The following FGF14 variants were observed in gnomAD, a reference collection of about 807,000 sequenced individuals.
The protein encoded by FGF14 is fibroblast growth factor 14.
In FGF14, 5 loss-of-function variants were observed where a neutral mutation model predicts 25.5. The observed-to-expected ratio is 0.20, with a 90% confidence interval of 0.10 to 0.41. The LOEUF (loss-of-function observed/expected upper bound fraction) is 0.41. FGF14 is among the 10% of genes least tolerant of loss of function. FGF14 has a pLI of 1.00. For synonymous variants in FGF14, 138 were observed against 118.3 expected (o/e 1.17, Z -1.08); for missense variants, 222 against 320.1 (o/e 0.69, Z 2.34).
intron 1 of FGF14, among the ~76,000 whole-genome samples, chr13:101,928,804 G>A (rs1046442577): frequency 1.3e-5 from 2 of 151,906 alleles, no homozygotes; most frequent in African/African-American, 2.4e-5. Context: ...ATGCAGAAGA[G>A]TGGCCATTAT....
At chr13:102,177,750 G>A (rs1202489139) in intron 1 of FGF14, among the ~76,000 whole-genome samples, 1 of 151,518 alleles carries the variant, frequency 6.6e-6, no homozygotes, top group Non-Finnish European at 1.5e-5. Flanking sequence ...GCTATTTAAG[G>A]CAAGTGTGAC....
chr13:101,898,191 T>G (rs1400896052), intron 1 of FGF14, among the ~76,000 whole-genome samples: 1 of 152,116 alleles, frequency 6.6e-6, no homozygotes, highest in East Asian at 1.9e-4. Flanking sequence ...CATGGCACCT[T>G]GAGTTTTCTA....
chr13:102,392,138 A>G (rs960162019), intron 1 of FGF14, among the ~76,000 whole-genome samples: 1 of 152,264 alleles, frequency 6.6e-6, no homozygotes, highest in African/African-American at 2.4e-5. Flanking sequence ...GTGATCCACT[A>G]TAATTGTGCA....
chr13:101,789,587 A>G (rs1468273091), intron 3 of FGF14, among the ~76,000 whole-genome samples: 2 of 152,142 alleles, frequency 1.3e-5, no homozygotes, highest in African/African-American at 4.8e-5. Flanking sequence ...CATTTGGATC[A>G]CTTCAAAATG....
intron 3 of FGF14, among the ~76,000 whole-genome samples, chr13:101,833,423 A>G (rs989887473): frequency 9.2e-5 from 14 of 152,096 alleles, no homozygotes; most frequent in Non-Finnish European, 1.5e-5. Context: ...TGTTATGGGC[A>G]TAAACTATTC....
intron 1 of FGF14, among the ~76,000 whole-genome samples, chr13:101,900,284 A>C (rs2031353686): frequency 6.6e-6 from 1 of 152,206 alleles, no homozygotes; most frequent in Admixed American, 6.5e-5. Flanking sequence ...ACAAAGTTAA[A>C]AGAACGCAAA....
chr13:102,157,454 T>C (rs994647147), intron 1 of FGF14, among the ~76,000 whole-genome samples: 2 of 152,178 alleles, frequency 1.3e-5, no homozygotes, highest in Non-Finnish European at 2.9e-5. Flanking sequence ...TGGCTAGCCA[T>C]ATGTAGAAAG....
chr13:102,198,880 T>C (rs756417037), intron 1 of FGF14, among the ~76,000 whole-genome samples: 1 of 152,172 alleles, frequency 6.6e-6, no homozygotes, highest in Non-Finnish European at 1.5e-5. Context: ...GGATTAAATG[T>C]TTAAGTTCCT....
intron 1 of FGF14, among the ~76,000 whole-genome samples, chr13:102,180,640 A>G (rs2048635894): frequency 6.6e-6 from 1 of 152,140 alleles, no homozygotes. Flanking sequence ...TTTTAAAAAT[A>G]TGCTTTTACC....
intron 1 of FGF14, among the ~76,000 whole-genome samples, chr13:102,115,133 ATGGTGATGACAGCACAGT>A (rs2045408432): frequency 6.6e-6 from 1 of 152,188 alleles, no homozygotes. Flanking sequence ...CTTGATTCTC[ATGGTGATGACAGCACAGT>A]TGCTTATGCA....
intron 3 of FGF14, among the ~76,000 whole-genome samples, chr13:101,798,021 C>T (rs1255573622): frequency 6.6e-6 from 1 of 152,100 alleles, no homozygotes; most frequent in Non-Finnish European, 1.5e-5. Flanking sequence ...ACGTTACTCG[C>T]TGTTCTTCGA....
chr13:102,216,129 C>T (rs554397877), intron 1 of FGF14, among the ~76,000 whole-genome samples: 67 of 152,326 alleles, frequency 4.4e-4, no homozygotes, highest in Non-Finnish European at 8.7e-4. Flanking sequence ...AAAGGGGATT[C>T]GCATCGCTGG....
intron 1 of FGF14, among the ~76,000 whole-genome samples, chr13:102,208,095 T>G (rs2050011536): frequency 6.6e-6 from 1 of 152,170 alleles, no homozygotes; most frequent in East Asian, 1.9e-4. Flanking sequence ...TTGAAAAACA[T>G]AAGTCACCTC....
intron 1 of FGF14, among the ~76,000 whole-genome samples, chr13:101,971,576 C>T (rs1240470582): frequency 4.6e-5 from 7 of 152,092 alleles, no homozygotes; most frequent in Admixed American, 3.3e-4. Context: ...TTTGCCATGT[C>T]GTCTAGGCTG....
intron 3 of FGF14, among the ~76,000 whole-genome samples, chr13:101,816,645 TAA>T (rs2041863576): frequency 6.6e-6 from 1 of 152,134 alleles, no homozygotes; most frequent in Non-Finnish European, 1.5e-5. Context: ...CATATTTTAA[TAA>T]AAAATATGCT....
chr13:102,117,366 T>C (rs915403739), intron 1 of FGF14, among the ~76,000 whole-genome samples: 12 of 152,184 alleles, frequency 7.9e-5, no homozygotes, highest in African/African-American at 2.9e-4. Context: ...GGGCCTGTCA[T>C]ACCTGAAACA....
At chr13:101,885,073 G>A (rs961786142) in intron 1 of FGF14, among the ~76,000 whole-genome samples, 10 of 152,094 alleles carry the variant, frequency 6.6e-5, no homozygotes, top group Non-Finnish European at 1.2e-4. Flanking sequence ...TTAAAAACAT[G>A]GAAACCTATT....
intron 3 of FGF14, among the ~76,000 whole-genome samples, chr13:101,823,890 A>G (rs1261747465): frequency 1.4e-5 from 2 of 143,494 alleles, no homozygotes; most frequent in African/African-American, 5.1e-5. Flanking sequence ...AAAATCCTAT[A>G]TGGCATTGTT....
At chr13:101,825,589 G>A (rs1566946130) in intron 3 of FGF14, among the ~76,000 whole-genome samples, 2 of 151,964 alleles carry the variant, frequency 1.3e-5, no homozygotes, top group Non-Finnish European at 2.9e-5. Context: ...TATAGTTAGC[G>A]TTACAGAAAA....
Sources: gnomAD v4.1 joint callset for allele counts (sites outside exome capture counted in the v4.1 genomes callset) on GRCh38, gnomAD v4.1.1 for gene constraint, MANE v1.5 for transcripts, NCBI Gene and HGNC (gene_info 2026-07-23, HGNC 2026-07-21) for gene names.